PARD3B: variants seen among roughly 807,000 people sequenced by gnomAD.
The protein encoded by PARD3B is par-3 family cell polarity regulator beta, also known as partitioning defective 3 homolog B.
In PARD3B, 103 loss-of-function variants were observed where a neutral mutation model predicts 130.2. That is an observed-to-expected ratio of 0.79 (90% CI 0.67 to 0.93). The LOEUF is 0.93. PARD3B is among the 40% of genes least tolerant of loss of function. PARD3B has a pLI of 0.00. For missense variants in PARD3B, 1,609 were observed against 1,499.2 expected (o/e 1.07, Z -1.21); for synonymous variants, 583 against 553.2 (o/e 1.05, Z -0.76).
intron 10 of PARD3B, among the ~76,000 whole-genome samples, chr2:205,127,012 A>G (rs1231080520): frequency 6.6e-6 from 1 of 151,838 alleles, no homozygotes; most frequent in Non-Finnish European, 1.5e-5. Flanking sequence ...AGAAAATTCA[A>G]AAGGAGGACA....
chr2:205,090,921 C>G (rs1702065958), intron 4 of PARD3B, among the ~76,000 whole-genome samples: 1 of 152,172 alleles, frequency 6.6e-6, no homozygotes, highest in Non-Finnish European at 1.5e-5. Flanking sequence ...CATCCTCTAC[C>G]AGTTTTCATT....
At chr2:204,805,044 A>G (rs977086000) in intron 2 of PARD3B, among the ~76,000 whole-genome samples, 3 of 152,122 alleles carry the variant, frequency 2.0e-5, no homozygotes, top group Non-Finnish European at 4.4e-5. Context: ...GTAGAAAAGC[A>G]AAAATGAAAG....
chr2:205,175,931 G>A (rs376748731), intron 12 of PARD3B, among the ~76,000 whole-genome samples: 19 of 152,300 alleles, frequency 1.2e-4, no homozygotes, highest in African/African-American at 2.6e-4. Context: ...GCTGTCTGGC[G>A]TCACAGCGGT....
In PARD3B at chr2:205,078,645, A is replaced by T. The variant is rs1701217214; in HGVS notation, c.505-25781A>T. On this transcript the variant is annotated intron_variant, in intron 4 of 22. Coordinates refer to ENST00000406610, the MANE Select transcript of PARD3B (RefSeq NM_001302769.2). This position sits in a 1 kb window ranked among gnomAD's most constrained non-coding sequence, Gnocchi z 4.0. ...AATATTTGACACTGTTTCAGTGAAG[A>T]GCTGAGGTCTAATGTCCTCTCTTCT... Among the ~76,000 whole-genome samples the T allele has an allele frequency of 6.6e-6, 1 of 152,202 alleles. No individual in the cohort carries two copies. The highest frequency in any genetic ancestry group is 1.5e-5 in the Non-Finnish European group (1 of 68,038).
At chr2:205,467,426 C>A (rs2048666127) in intron 20 of PARD3B, among the ~76,000 whole-genome samples, 1 of 152,192 alleles carries the variant, frequency 6.6e-6, no homozygotes, top group South Asian at 2.1e-4. Context: ...GACTTCAGAG[C>A]AACTCTATCC....
At chr2:204,846,931 T>A (rs1342427397) in intron 2 of PARD3B, among the ~76,000 whole-genome samples, 2 of 151,778 alleles carry the variant, frequency 1.3e-5, no homozygotes, top group Non-Finnish European at 2.9e-5. Flanking sequence ...ATAATTAGAG[T>A]CGTAGACATT....
At chr2:204,840,129 G>A (rs2044207289) in intron 2 of PARD3B, among the ~76,000 whole-genome samples, 1 of 152,054 alleles carries the variant, frequency 6.6e-6, no homozygotes, top group South Asian at 2.1e-4. Context: ...AGTTAATGTA[G>A]CAGTTCATGT....
intron 2 of PARD3B, among the ~76,000 whole-genome samples, chr2:204,930,899 G>A (rs1225801991): frequency 2.0e-5 from 3 of 151,982 alleles, no homozygotes; most frequent in Admixed American, 6.6e-5. Flanking sequence ...TAAAAACCAC[G>A]ATGAACACTT....
At chr2:205,457,705 C>T (rs1336941425) in intron 20 of PARD3B, among the ~76,000 whole-genome samples, 1 of 151,542 alleles carries the variant, frequency 6.6e-6, no homozygotes, top group Non-Finnish European at 1.5e-5. Flanking sequence ...TTTTTTTCTT[C>T]TTTTAATATA....
intron 16 of PARD3B, among the ~76,000 whole-genome samples, chr2:205,267,615 A>G (rs1435783673): frequency 3.3e-5 from 5 of 152,140 alleles, no homozygotes; most frequent in Non-Finnish European, 7.4e-5. Flanking sequence ...ATGTCATGCA[A>G]ATGTCATGGT....
intron 1 of PARD3B, among the ~76,000 whole-genome samples, chr2:204,646,573 A>C (rs752753029): frequency 1.5e-4 from 23 of 151,986 alleles, no homozygotes; most frequent in African/African-American, 5.1e-4. Context: ...TATTGTGAAC[A>C]GGGTTGTGAT....
chr2:204,560,211 G>C (rs570737797), intron 1 of PARD3B, among the ~76,000 whole-genome samples: 2 of 152,156 alleles, frequency 1.3e-5, no homozygotes, highest in Non-Finnish European at 2.9e-5. Context: ...CATGTAATCA[G>C]TGAGGTCTCA....
At chr2:204,835,499 C>G (rs1216117411) in intron 2 of PARD3B, among the ~76,000 whole-genome samples, 1 of 152,158 alleles carries the variant, frequency 6.6e-6, no homozygotes, top group African/African-American at 2.4e-5. Context: ...TCTTACCTAC[C>G]CTTCCTGTCT....
intron 2 of PARD3B, among the ~76,000 whole-genome samples, chr2:204,867,839 ATCTTTAACTGT>A (rs1387568025): frequency 6.6e-6 from 1 of 152,218 alleles, no homozygotes; most frequent in African/African-American, 2.4e-5. Context: ...CTGCCTGTTA[ATCTTTAACTGT>A]TCTTTAACTG....
At chr2:205,583,516 T>A (rs2054080731) in intron 22 of PARD3B, among the ~76,000 whole-genome samples, 1 of 152,132 alleles carries the variant, frequency 6.6e-6, no homozygotes, top group African/African-American at 2.4e-5. Flanking sequence ...AAGCAGCTGA[T>A]AGTCATTGAC....
At chr2:205,184,336 G>A (rs1353541512) in intron 13 of PARD3B, among the ~76,000 whole-genome samples, 2 of 152,114 alleles carry the variant, frequency 1.3e-5, no homozygotes, top group East Asian at 3.9e-4. Context: ...GACAAATCAG[G>A]TACATATCTT....
At chr2:205,169,558 T>A (rs1396380587) in intron 11 of PARD3B, among the ~76,000 whole-genome samples, 1 of 152,234 alleles carries the variant, frequency 6.6e-6, no homozygotes, top group Non-Finnish European at 1.5e-5. Flanking sequence ...GATTACCAGG[T>A]GGGATCTCAC....
At position 205,274,965 on chromosome 2, in the gene PARD3B, G is replaced by A. The variant is rs2040880097; in HGVS notation, c.2186-25565G>A. ...AATTTTTATTGTCCTGTGTTGTAAA[G>A]TGGTCTGTGGCTTCAAAGGGCTTTT... On this transcript the variant is annotated intron_variant, in intron 16 of 22. Coordinates refer to ENST00000406610, the MANE Select transcript of PARD3B (RefSeq NM_001302769.2). This position sits in a 1 kb window ranked among gnomAD's most constrained non-coding sequence, Gnocchi z 4.2. 6.6e-6 allele frequency among the ~76,000 whole-genome samples: 1 copy of A among 152,152 alleles called. No individual in the cohort carries two copies. Among genetic ancestry groups the A allele is most frequent in the African/African-American group, 2.4e-5 (1 of 41,424 alleles).
At chr2:205,553,938 T>C (rs938071917) in intron 22 of PARD3B, among the ~76,000 whole-genome samples, 10 of 152,194 alleles carry the variant, frequency 6.6e-5, no homozygotes, top group African/African-American at 2.4e-4. Flanking sequence ...TGGGAAAAGT[T>C]TGCTGGGCCA....
Sources: allele counts gnomAD v4.1 joint callset (sites outside exome capture counted in the v4.1 genomes callset), GRCh38; gene constraint gnomAD v4.1.1; non-coding constraint Gnocchi (gnomAD v3.1); transcripts MANE v1.5; gene names NCBI Gene and HGNC (gene_info 2026-07-23, HGNC 2026-07-21).